The following LARGE1 variants were observed in gnomAD, a reference collection of about 807,000 sequenced individuals.
LARGE1 encodes LARGE xylosyl- and glucuronyltransferase 1.
LARGE1 carries 43 observed loss-of-function variants against 87.6 expected under a neutral mutation model. The ratio of observed to expected loss-of-function variants is 0.49; its 90% CI spans 0.38 to 0.63. LARGE1 has a LOEUF of 0.63. Ranked by LOEUF, LARGE1 falls within the 30% of genes least tolerant of loss-of-function variation. LARGE1 has a pLI of 0.00. For missense variants in LARGE1, 802 were observed against 1,000.2 expected (o/e 0.80, Z 2.67); for synonymous variants, 434 against 394.6 (o/e 1.10, Z -1.18).
intron 11 of LARGE1, among the ~76,000 whole-genome samples, chr22:33,217,860 C>T (rs1230137942): frequency 6.6e-6 from 1 of 152,082 alleles, no homozygotes; most frequent in African/African-American, 2.4e-5. Context: ...TCAAGTGATC[C>T]TCCCCTACTT....
At chr22:33,126,969 G>A in the LARGE1 span, among the ~76,000 whole-genome samples, 1 of 151,848 alleles carries the variant, frequency 6.6e-6, no homozygotes, top group East Asian at 1.9e-4. Context: ...TCTGTATTCT[G>A]TTATTTCATA....
chr22:33,428,984 G>A (rs1347680897), intron 7 of LARGE1, among the ~76,000 whole-genome samples: 1 of 150,172 alleles, frequency 6.7e-6, no homozygotes, highest in Non-Finnish European at 1.5e-5. Flanking sequence ...GGTTCAAGGA[G>A]TGAAGTGACT....
intron 1 of LARGE1, among the ~76,000 whole-genome samples, chr22:33,912,592 C>T (rs541259366): frequency 5.9e-5 from 9 of 152,222 alleles, no homozygotes; most frequent in Non-Finnish European, 1.0e-4. Context: ...CCCCATAATG[C>T]GACAAAAGAG....
intron 9 of LARGE1, among the ~76,000 whole-genome samples, chr22:33,341,595 T>G (rs760426290): frequency 6.8e-6 from 1 of 146,416 alleles, no homozygotes; most frequent in Non-Finnish European, 1.5e-5. Flanking sequence ...CATGGCACAG[T>G]GAATTATGGG....
intron 5 of LARGE1, among the ~76,000 whole-genome samples, chr22:33,572,869 C>CA (rs1281531731): frequency 7.3e-5 from 11 of 150,954 alleles, no homozygotes; most frequent in Admixed American, 7.2e-4. Flanking sequence ...GACTTTGTCT[C>CA]AAAAAAAATT....
At chr22:33,689,452 C>T (rs757983007) in intron 2 of LARGE1, among the ~76,000 whole-genome samples, 12 of 151,924 alleles carry the variant, frequency 7.9e-5, no homozygotes, top group Admixed American at 1.3e-4. Context: ...AAGGCAAAAA[C>T]CAAACAGGCA....
chr22:33,356,547 G>A (rs181888074), intron 9 of LARGE1, among the ~76,000 whole-genome samples: 5 of 152,284 alleles, frequency 3.3e-5, no homozygotes, highest in East Asian at 3.9e-4. Context: ...TGAGGTGGGC[G>A]GATCACTTGA....
At chr22:33,132,976 A>G in the LARGE1 span, among the ~76,000 whole-genome samples, 2 of 152,194 alleles carry the variant, frequency 1.3e-5, no homozygotes, top group African/African-American at 4.8e-5. Flanking sequence ...TATTTCCCCT[A>G]TTGGTTTTTA....
chr22:33,083,640 A>C, the LARGE1 span, among the ~76,000 whole-genome samples: 1 of 152,210 alleles, frequency 6.6e-6, no homozygotes, highest in South Asian at 2.1e-4. Flanking sequence ...GGAATAAATA[A>C]ATGCTGAGAT....
At chr22:33,387,855 T>C (rs767104623) in intron 7 of LARGE1, among the ~76,000 whole-genome samples, 3 of 152,320 alleles carry the variant, frequency 2.0e-5, no homozygotes, top group East Asian at 3.8e-4. Flanking sequence ...ACCCACCACC[T>C]AGATATAATG....
At chr22:33,497,232 T>C (rs2070181774) in intron 6 of LARGE1, among the ~76,000 whole-genome samples, 1 of 152,134 alleles carries the variant, frequency 6.6e-6, no homozygotes, top group African/African-American at 2.4e-5. Context: ...CATGCCACTA[T>C]GCCTGGCTCA....
intron 13 of LARGE1, among the ~76,000 whole-genome samples, chr22:33,280,297 T>C (rs5998839): frequency 0.11 from 15,273 of 138,800 alleles, 1,263 homozygotes; most frequent in African/African-American, 0.24. Flanking sequence ...GAGTAGTTTC[T>C]GATATATGGT....
At chr22:33,830,431 C>T (rs556237114) in intron 1 of LARGE1, among the ~76,000 whole-genome samples, 9 of 152,250 alleles carry the variant, frequency 5.9e-5, no homozygotes, top group African/African-American at 2.2e-4. Flanking sequence ...CCACGAGAGG[C>T]AGGAGGAAAT....
intron 11 of LARGE1, among the ~76,000 whole-genome samples, chr22:33,171,545 T>G (rs961863607): frequency 6.6e-6 from 1 of 152,170 alleles, no homozygotes; most frequent in Admixed American, 6.5e-5. Context: ...GCTTCCAGAC[T>G]TGGTGCCCTG....
At chr22:33,348,270 TC>T (rs1469328702) in intron 9 of LARGE1, among the ~76,000 whole-genome samples, 1 of 71,896 alleles carries the variant, frequency 1.4e-5, no homozygotes, top group African/African-American at 5.8e-5. Flanking sequence ...CTGTCCCCGC[TC>T]CCCCACCCAC....
intron 2 of LARGE1, among the ~76,000 whole-genome samples, chr22:33,661,371 G>A (rs1414054762): frequency 6.6e-6 from 1 of 151,812 alleles, no homozygotes; most frequent in African/African-American, 2.4e-5. Flanking sequence ...GCGCCACCAT[G>A]CTTGGCTAAT....
At chr22:33,855,760 A>G (rs988557668) in intron 1 of LARGE1, among the ~76,000 whole-genome samples, 8 of 152,164 alleles carry the variant, frequency 5.3e-5, no homozygotes, top group Non-Finnish European at 1.2e-4. Context: ...TTTCATCATC[A>G]TTCTGATGAA....
At chr22:33,227,196 G>GGTACAGACAGCCTTGCCCAAAGTC (rs1925784136) in intron 11 of LARGE1, among the ~76,000 whole-genome samples, 1 of 152,154 alleles carries the variant, frequency 6.6e-6, no homozygotes. Context: ...AAGACACTGA[G>GGTACAGACAGCCTTGCCCAAAGTC]GTACAGACAG....
chr22:33,493,316 A>G (rs905230216), intron 6 of LARGE1, among the ~76,000 whole-genome samples: 5 of 151,626 alleles, frequency 3.3e-5, no homozygotes, highest in Non-Finnish European at 7.4e-5. Context: ...GCGCGCCACT[A>G]TGTCCAGCTA....
Sources: gnomAD v4.1 joint callset for allele counts (sites outside exome capture counted in the v4.1 genomes callset) on GRCh38, gnomAD v4.1.1 for gene constraint, MANE v1.5 for transcripts, NCBI Gene and HGNC (gene_info 2026-07-23, HGNC 2026-07-21) for gene names.